CUL1: variants seen among roughly 807,000 people sequenced by gnomAD.
The protein encoded by CUL1 is cullin 1.
Under a neutral mutation model 118.0 loss-of-function variants are expected in CUL1, and 24 were observed. The observed-to-expected ratio is 0.20, with a 90% confidence interval of 0.15 to 0.29. CUL1 has a LOEUF of 0.29. Among genes scored for constraint, CUL1 ranks in the 10% least tolerant of loss-of-function variants. The pLI is 1.00. For missense variants in CUL1, 361 were observed against 933.8 expected (o/e 0.39, Z 7.99); for synonymous variants, 332 against 340.4 (o/e 0.98, Z 0.27).
intron 2 of CUL1, among the ~76,000 whole-genome samples, chr7:148,741,494 C>T (rs949085021): frequency 3.9e-5 from 6 of 152,156 alleles, no homozygotes; most frequent in Admixed American, 1.3e-4. Context: ...GGATGGAGTG[C>T]GTGGCGAGAT....
chr7:148,784,967 A>G (rs1423471421), intron 11 of CUL1, among the ~76,000 whole-genome samples: 2 of 152,258 alleles, frequency 1.3e-5, no homozygotes, highest in East Asian at 3.8e-4. Flanking sequence ...AACATAGTAT[A>G]GCTTTCTAGG....
chr7:148,800,616 G>C lies in CUL1; in HGVS notation c.*34G>C. 1.3e-6 allele frequency: 2 copies of C among 1,498,500 alleles called. No individual in the cohort carries two copies. The highest frequency in any genetic ancestry group is 1.9e-6 in the Non-Finnish European group (2 of 1,078,216). The allele number at this position is 1,498,500 out of a possible 1,614,324, so 92.8% of individuals were successfully genotyped here. A position where few individuals can be genotyped will look rare whatever the true frequency, so the allele number is the denominator to read the frequency against. ...GAAGGGTCTGACTGTGTGACCCGCAGCAAATAGTTCATGTTGGAAAGAATG... is the reference window on the plus strand; with the variant it reads ...GAAGGGTCTGACTGTGTGACCCGCACCAAATAGTTCATGTTGGAAAGAATG... On this transcript the variant is annotated 3_prime_UTR_variant, in exon 22 of 22. Coordinates refer to ENST00000325222, the MANE Select transcript of CUL1 (RefSeq NM_003592.3). The surrounding 1 kb of genome is among the most constrained non-coding windows in gnomAD (Gnocchi z 4.6).
At chr7:148,734,250 A>G (rs1798865325) in intron 2 of CUL1, among the ~76,000 whole-genome samples, 1 of 150,434 alleles carries the variant, frequency 6.6e-6, no homozygotes, top group Middle Eastern at 3.2e-3. Flanking sequence ...CCATGCAGCA[A>G]CTGTGTGTGT....
intron 2 of CUL1, among the ~76,000 whole-genome samples, chr7:148,744,715 CTTCA>C (rs947623484): frequency 3.9e-5 from 6 of 152,128 alleles, no homozygotes; most frequent in Admixed American, 6.5e-5. Flanking sequence ...TTCTACTGCT[CTTCA>C]TTCCTTCCTA....
intron 2 of CUL1, among the ~76,000 whole-genome samples, chr7:148,742,658 A>ATT (rs1799184188): frequency 7.5e-6 from 1 of 133,466 alleles, no homozygotes; most frequent in Non-Finnish European, 1.5e-5. Context: ...GCTGGAGTGC[A>ATT]GTGCATGTTC....
At chr7:148,760,266 A>G in intron 6 of CUL1, 67 bp from the exon 7 acceptor site, 2 of 1,330,896 alleles carry the variant, frequency 1.5e-6, no homozygotes, top group South Asian at 1.5e-5. Flanking sequence ...TGCTACACCT[A>G]AGTATATTCT....
intron 1 of CUL1, among the ~76,000 whole-genome samples, chr7:148,729,580 A>C (rs243515): frequency 0.37 from 56,131 of 151,928 alleles, 10,465 homozygotes; most frequent in South Asian, 0.47. Flanking sequence ...GATTTTTCCT[A>C]TTTATTAGCT....
rs1414149807 is a variant in CUL1 at position 148,799,230 on chromosome 7, G to A, written c.2137-45G>A. 5 of 1,457,418 alleles carry A rather than the reference G, an allele frequency of 3.4e-6. No individual in the cohort carries two copies. The Admixed American group carries it at 8.4e-5, about 24-fold the overall frequency. 90.3% of individuals were successfully genotyped at this position (1,457,418 alleles called of 1,614,324 possible). On this transcript the variant is annotated intron_variant, in intron 20 of 21. Coordinates refer to ENST00000325222, the MANE Select transcript of CUL1 (RefSeq NM_003592.3). ...TGTCCTTAACTATCAATACAACGTT[G>A]TTACAGCTCTAAATGCACTTCTTTT...
intron 1 of CUL1, among the ~76,000 whole-genome samples, chr7:148,710,715 A>G (rs1798024462): frequency 6.6e-6 from 1 of 151,244 alleles, no homozygotes; most frequent in African/African-American, 2.4e-5. Flanking sequence ...CTGGAGTGCA[A>G]TGGCACGATC....
chr7:148,725,426 G>A (rs1798546807), intron 1 of CUL1, among the ~76,000 whole-genome samples: 2 of 152,212 alleles, frequency 1.3e-5, no homozygotes, highest in Non-Finnish European at 2.9e-5. Flanking sequence ...ACCCTTCTCA[G>A]CCCAGCGGGA....
intron 1 of CUL1, among the ~76,000 whole-genome samples, chr7:148,699,504 C>T (rs916343180): frequency 5.3e-5 from 8 of 152,226 alleles, no homozygotes; most frequent in East Asian, 1.9e-4. Flanking sequence ...ACGCTTCTTC[C>T]CGGCGCTGCT....
chr7:148,756,917 A>G, intron 3 of CUL1, 66 bp from the exon 4 acceptor site: 3 of 1,131,258 alleles, frequency 2.7e-6, no homozygotes, highest in African/African-American at 1.6e-5. Context: ...GATGTTATTC[A>G]CCGTTATTTT....
intron 2 of CUL1, among the ~76,000 whole-genome samples, chr7:148,739,492 G>T (rs536751984): frequency 6.6e-6 from 1 of 152,168 alleles, no homozygotes; most frequent in Non-Finnish European, 1.5e-5. Context: ...CTTCGTGTCC[G>T]TTGAGCACCT....
chr7:148,800,389 C>A lies in CUL1; in HGVS notation c.2251-113C>A. On this transcript the variant is annotated intron_variant, in intron 21 of 21. Transcript: ENST00000325222. This position sits in a 1 kb window ranked among gnomAD's most constrained non-coding sequence, Gnocchi z 4.6. ...TCTGGGGCGGGGACACTGCTCCCCA[C>A]TGAGCTCCGAATCAGGGGAGATTTG... 2.5e-6 allele frequency: 2 copies of A among 813,092 alleles called. No individual in the cohort carries two copies. The highest frequency in any genetic ancestry group is 4.1e-6 in the Non-Finnish European group (2 of 489,180). 50.4% of individuals were successfully genotyped at this position (813,092 alleles called of 1,614,324 possible). A position where few individuals can be genotyped will look rare whatever the true frequency, so the allele number is the denominator to read the frequency against.
chr7:148,759,666 A>C (rs200374941), intron 6 of CUL1, 28 bp downstream of exon 6: 6 of 1,304,516 alleles, frequency 4.6e-6, no homozygotes, highest in Non-Finnish European at 6.5e-6. Context: ...AGTTTATTCA[A>C]AGTTTTCACA....
At chr7:148,756,939 G>A in intron 3 of CUL1, 44 bp from the exon 4 acceptor site, 1 of 1,358,694 alleles carries the variant, frequency 7.4e-7, no homozygotes, top group Non-Finnish European at 1.0e-6. Flanking sequence ...AATTTATAAT[G>A]TGACAAATTA....
At chr7:148,748,733 C>T (rs1799384055) in intron 2 of CUL1, among the ~76,000 whole-genome samples, 1 of 152,098 alleles carries the variant, frequency 6.6e-6, no homozygotes, top group Non-Finnish European at 1.5e-5. Context: ...CCCGTTCTGG[C>T]CCAGCAGAAA....
Position 148,783,981 on chromosome 7 carries a change from G to T in CUL1, c.1202G>T (p.Arg401Leu). 6.2e-7 allele frequency: 1 copy of T among 1,614,078 alleles called. No homozygotes were observed. The highest frequency in any genetic ancestry group is 8.5e-7 in the Non-Finnish European group (1 of 1,180,028). The change falls in exon 11 of 22, where the codon CGC becomes CTC. Residue 401 changes from arginine to leucine, a missense_variant. Physicochemically the swap from Arg to Leu is moderately radical, Grantham distance 102. Transcript: ENST00000325222. ...FVAALDKACG[R>L]FINNNAVTKM... ...TTCCGTGTAACGCAGGCTTGTGGTC[G>T]CTTCATAAACAACAACGCGGTTACC...
In CUL1 at chr7:148,754,158, G is replaced by A. The variant is rs1799582742; in HGVS notation, c.315+8G>A. ...TTGACAAATCTTCTTAAGGTAAGAT[G>A]TTTTATATATATACTGAGTATTCAT... On this transcript the variant is annotated splice_region_variant and intron_variant, in intron 3 of 21. Transcript: ENST00000325222. 2.0e-6 allele frequency: 3 copies of A among 1,531,728 alleles called. No individual in the cohort carries two copies. The highest frequency in any genetic ancestry group is 2.3e-5 in the South Asian group (2 of 86,780). 94.9% of individuals were successfully genotyped at this position (1,531,728 alleles called of 1,614,324 possible).
Sources: allele counts gnomAD v4.1 joint callset (sites outside exome capture counted in the v4.1 genomes callset), GRCh38; gene constraint gnomAD v4.1.1; non-coding constraint Gnocchi (gnomAD v3.1); transcripts MANE v1.5; gene names NCBI Gene and HGNC (gene_info 2026-07-23, HGNC 2026-07-21).